CORO2B: variants seen among roughly 807,000 people sequenced by gnomAD.
The protein encoded by CORO2B is coronin-2B.
CORO2B carries 26 observed loss-of-function variants against 58.8 expected under a neutral mutation model. The observed-to-expected ratio is 0.44, with a 90% CI of 0.32 to 0.61. The LOEUF is 0.61. Among genes scored for constraint, CORO2B ranks in the 20% least tolerant of loss-of-function variants. The probability of loss-of-function intolerance (pLI) is 0.04; values close to 1 mark genes in which losing one functional copy is unlikely to be tolerated. For synonymous variants in CORO2B, 242 were observed against 253.8 expected (o/e 0.95, Z 0.44); for missense variants, 460 against 645.1 (o/e 0.71, Z 3.11).
chr15:68,694,331 A>G (rs1400790373), intron 2 of CORO2B, among the ~76,000 whole-genome samples: 1 of 152,208 alleles, frequency 6.6e-6, no homozygotes, highest in African/African-American at 2.4e-5. Context: ...AGCTCACATA[A>G]TCTTCACAAC....
intron 2 of CORO2B, among the ~76,000 whole-genome samples, chr15:68,663,703 T>C (rs771589491): frequency 6.6e-6 from 1 of 152,166 alleles, no homozygotes; most frequent in East Asian, 1.9e-4. Context: ...GTATTCATAA[T>C]ATGTGACTGG....
rs34809209 is a variant in CORO2B at position 68,621,767 on chromosome 15, C to CTTTT, written c.16-23379_16-23376dup. On this transcript the variant is annotated intron_variant, in intron 1 of 11. Coordinates refer to ENST00000261861, the MANE Select transcript of CORO2B (RefSeq NM_006091.5). ...ACGTGACATTGGGCAAGTTTCACTT[C>CTTTT]TTTTTTTTTTTTTTTTTGAGACAGG... Among the ~76,000 whole-genome samples the CTTTT allele has an allele frequency of 5.5e-4, 75 of 136,352 alleles. 1 individual carries two copies. The South Asian group carries it at 0.013, about 23-fold the overall frequency. 89.5% of individuals were successfully genotyped at this position (136,352 alleles called of 152,430 possible).
intron 1 of CORO2B, among the ~76,000 whole-genome samples, chr15:68,632,998 C>T (rs1900895109): frequency 6.6e-6 from 1 of 152,240 alleles, no homozygotes. Flanking sequence ...TTACATTCCT[C>T]TCTGACCTCT....
chr15:68,714,685 C>T (rs1403130524), intron 7 of CORO2B, 22 bp downstream of exon 7: 1 of 1,579,690 alleles, frequency 6.3e-7, no homozygotes, highest in South Asian at 1.1e-5. Context: ...TGGGGGAGGG[C>T]CCGGGGCAGC....
the CORO2B span, among the ~76,000 whole-genome samples, chr15:68,530,625 C>A: frequency 6.6e-6 from 1 of 152,120 alleles, no homozygotes; most frequent in African/African-American, 2.4e-5. Flanking sequence ...TTCTTCATCT[C>A]TCTTGAAGTT....
At chr15:68,621,828 G>T (rs955073805) in intron 1 of CORO2B, among the ~76,000 whole-genome samples, 1 of 151,350 alleles carries the variant, frequency 6.6e-6, no homozygotes, top group Non-Finnish European at 1.5e-5. Context: ...GCAATCATGG[G>T]TCACTACAGC....
intron 2 of CORO2B, among the ~76,000 whole-genome samples, chr15:68,647,842 CCT>C (rs944576152): frequency 1.6e-4 from 23 of 139,940 alleles, no homozygotes; most frequent in Non-Finnish European, 2.3e-4. Context: ...GCCCTGAGAC[CCT>C]GTTTCTACAA....
the CORO2B span, among the ~76,000 whole-genome samples, chr15:68,521,782 CTTTA>C: frequency 3.4e-5 from 5 of 149,052 alleles, no homozygotes; most frequent in African/African-American, 1.2e-4. Context: ...TTCTTTCTCA[CTTTA>C]TCACCCAGGC....
At chr15:68,687,371 G>A (rs1903019235) in intron 2 of CORO2B, among the ~76,000 whole-genome samples, 1 of 152,346 alleles carries the variant, frequency 6.6e-6, no homozygotes, top group South Asian at 2.1e-4. Context: ...GAGAATCTAG[G>A]AAGCTGAAGC....
intron 2 of CORO2B, among the ~76,000 whole-genome samples, chr15:68,678,394 C>A (rs780315668): frequency 6.6e-6 from 1 of 152,196 alleles, no homozygotes; most frequent in Non-Finnish European, 1.5e-5. Context: ...AGAGAAAAGA[C>A]AGCAGGCGGT....
chr15:68,657,824 GT>G (rs1176624043), intron 2 of CORO2B, among the ~76,000 whole-genome samples: 2 of 152,184 alleles, frequency 1.3e-5, no homozygotes, highest in African/African-American at 4.8e-5. Flanking sequence ...AAATATAGAT[GT>G]AAGTTGTCTC....
chr15:68,549,073 A>G, the CORO2B span, among the ~76,000 whole-genome samples: 1,700 of 152,210 alleles, frequency 0.011, 46 homozygotes, highest in African/African-American at 0.039. Context: ...CTTTCTACAA[A>G]TAATTTTTTT....
At chr15:68,623,964 C>T (rs1247433318) in intron 1 of CORO2B, among the ~76,000 whole-genome samples, 1 of 152,104 alleles carries the variant, frequency 6.6e-6, no homozygotes, top group Non-Finnish European at 1.5e-5. Flanking sequence ...GCCCAGCCCT[C>T]CTCAGCTCAA....
At chr15:68,585,026 G>A (rs999218842) in intron 1 of CORO2B, among the ~76,000 whole-genome samples, 5 of 152,178 alleles carry the variant, frequency 3.3e-5, no homozygotes, top group Admixed American at 1.3e-4. Flanking sequence ...TTTTGCCCCC[G>A]CAGAGGCCCC....
At position 68,681,198 on chromosome 15, in the gene CORO2B, G is replaced by A. The variant is rs116856221; in HGVS notation, c.217-13942G>A. ...ATTGCACTCTAGCCTGGGCGAGAGA[G>A]CAAGATCTCCCTCCATCTCAAAAAA... On this transcript the variant is annotated intron_variant, in intron 2 of 11. Transcript: ENST00000261861. Among the ~76,000 whole-genome samples, 71 of 149,792 alleles carry A rather than the reference G, an allele frequency of 4.7e-4. No individual in the cohort carries two copies. The East Asian group carries it at 0.012, about 25-fold the overall frequency.
chr15:68,562,933 T>C, the CORO2B span, among the ~76,000 whole-genome samples: 10 of 146,736 alleles, frequency 6.8e-5, no homozygotes, highest in African/African-American at 2.0e-4. Context: ...GCCGAGATCA[T>C]GCCACTGCAC....
At chr15:68,640,386 T>C (rs1486764350) in intron 1 of CORO2B, among the ~76,000 whole-genome samples, 5 of 152,154 alleles carry the variant, frequency 3.3e-5, no homozygotes, top group Non-Finnish European at 7.4e-5. Flanking sequence ...GACCTAACTC[T>C]TAAAGTTTAC....
At chr15:68,518,924 T>C in the CORO2B span, among the ~76,000 whole-genome samples, 1 of 152,184 alleles carries the variant, frequency 6.6e-6, no homozygotes, top group Non-Finnish European at 1.5e-5. Flanking sequence ...AGGAGGAGCC[T>C]GGACCGGGTC....
chr15:68,694,976 A>C (rs11072043), intron 2 of CORO2B, among the ~76,000 whole-genome samples, 164 bp from the exon 3 acceptor site: 140,950 of 152,228 alleles, frequency 0.93, 65,562 homozygotes, highest in East Asian at 1. Context: ...TGTGGCCCAG[A>C]CTGACTTGGC....
Sources: gnomAD v4.1 joint callset for allele counts (sites outside exome capture counted in the v4.1 genomes callset) on GRCh38, gnomAD v4.1.1 for gene constraint, MANE v1.5 for transcripts, NCBI Gene and HGNC (gene_info 2026-07-23, HGNC 2026-07-21) for gene names.